Variants in RPS6KA2 observed in about 807,000 individuals in gnomAD.
RPS6KA2 encodes the protein ribosomal protein S6 kinase alpha-2.
In RPS6KA2, 42 loss-of-function variants were observed where a neutral mutation model predicts 91.8. The ratio of observed to expected loss-of-function variants is 0.46; its 90% CI spans 0.36 to 0.59. RPS6KA2 has a LOEUF of 0.59. Among genes scored for constraint, RPS6KA2 ranks in the 20% least tolerant of loss-of-function variants. The pLI is 0.00. For synonymous variants in RPS6KA2, 414 were observed against 393.6 expected (o/e 1.05, Z -0.61); for missense variants, 798 against 978.5 (o/e 0.82, Z 2.46).
At chr6:166,809,364 G>A (rs1483264409) in intron 2 of RPS6KA2, among the ~76,000 whole-genome samples, 1 of 152,064 alleles carries the variant, frequency 6.6e-6, no homozygotes, top group Non-Finnish European at 1.5e-5. Flanking sequence ...AAAATCTAGG[G>A]GTTTTATTCA....
intron 1 of RPS6KA2, among the ~76,000 whole-genome samples, chr6:166,541,116 C>T (rs1159774250): frequency 6.6e-6 from 1 of 152,218 alleles, no homozygotes; most frequent in Non-Finnish European, 1.5e-5. Context: ...TAGCTCCCAT[C>T]ATGCAGCTGT....
At chr6:166,636,216 C>T (rs1787237677) in intron 2 of RPS6KA2, among the ~76,000 whole-genome samples, 1 of 148,250 alleles carries the variant, frequency 6.7e-6, no homozygotes, top group Non-Finnish European at 1.5e-5. Flanking sequence ...TGGGTTCTGG[C>T]TCCTTCCTCT....
intron 1 of RPS6KA2, among the ~76,000 whole-genome samples, chr6:166,544,967 T>C (rs973698767): frequency 3.3e-5 from 5 of 152,134 alleles, no homozygotes; most frequent in Admixed American, 6.5e-5. Flanking sequence ...CTTGCTGGAA[T>C]CTAGGTGAAA....
intron 1 of RPS6KA2, among the ~76,000 whole-genome samples, chr6:166,540,747 G>A (rs1167246404): frequency 6.6e-6 from 1 of 152,064 alleles, no homozygotes; most frequent in Non-Finnish European, 1.5e-5. Flanking sequence ...CTTTTGTGGT[G>A]AAATCTCCTG....
At chr6:166,527,672 C>T (rs1292526298) in intron 3 of RPS6KA2, among the ~76,000 whole-genome samples, 1 of 152,142 alleles carries the variant, frequency 6.6e-6, no homozygotes, top group East Asian at 1.9e-4. Flanking sequence ...ATTTTAATCA[C>T]CCAAAAGCAG....
intron 10 of RPS6KA2, among the ~76,000 whole-genome samples, chr6:166,476,432 G>C (rs74822194): frequency 0.021 from 3,123 of 152,298 alleles, 97 homozygotes; most frequent in African/African-American, 0.071. Flanking sequence ...TGGTCCGCTG[G>C]GCATTAGAGA....
intron 2 of RPS6KA2, among the ~76,000 whole-genome samples, chr6:166,792,890 C>T (rs1306333832): frequency 1.4e-5 from 2 of 146,328 alleles, no homozygotes; most frequent in African/African-American, 2.6e-5. Context: ...ACACCCACAG[C>T]CAATATCATA....
At chr6:166,820,350 C>A in intron 2 of RPS6KA2, among the ~76,000 whole-genome samples, 1 of 152,222 alleles carries the variant, frequency 6.6e-6, no homozygotes, top group East Asian at 1.9e-4. Flanking sequence ...TTTCCTTCCT[C>A]TATCTCAATC....
At chr6:166,801,793 T>C (rs529492841) in intron 2 of RPS6KA2, among the ~76,000 whole-genome samples, 1 of 152,360 alleles carries the variant, frequency 6.6e-6, no homozygotes, top group South Asian at 2.1e-4. Context: ...CTGCAAAACT[T>C]CATATTTTGA....
intron 1 of RPS6KA2, among the ~76,000 whole-genome samples, chr6:166,622,242 A>G (rs1230796907): frequency 1.3e-5 from 2 of 152,146 alleles, no homozygotes; most frequent in East Asian, 3.8e-4. Flanking sequence ...TATTTCGGGG[A>G]TTTTTCCTGA....
chr6:166,522,807 A>G (rs985586960), intron 3 of RPS6KA2, among the ~76,000 whole-genome samples: 1 of 152,242 alleles, frequency 6.6e-6, no homozygotes, highest in African/African-American at 2.4e-5. Context: ...AACTTTTTAC[A>G]GTGAATTACT....
chr6:166,695,575 C>G (rs1789331619), intron 2 of RPS6KA2, among the ~76,000 whole-genome samples: 1 of 152,230 alleles, frequency 6.6e-6, no homozygotes, highest in Non-Finnish European at 1.5e-5. Context: ...CTTGTAGGAA[C>G]CAGGCCGCAC....
chr6:166,758,885 C>T (rs1396853842), intron 2 of RPS6KA2, among the ~76,000 whole-genome samples: 1 of 152,232 alleles, frequency 6.6e-6, no homozygotes, highest in Non-Finnish European at 1.5e-5. Context: ...ATTTCCTTCC[C>T]AATCAGACAG....
chr6:166,720,332 G>A (rs967315415), intron 2 of RPS6KA2, among the ~76,000 whole-genome samples: 4 of 152,088 alleles, frequency 2.6e-5, no homozygotes, highest in Non-Finnish European at 5.9e-5. Flanking sequence ...CATCTTCTAA[G>A]CTCACTACAA....
intron 2 of RPS6KA2, among the ~76,000 whole-genome samples, chr6:166,754,843 G>C (rs985005265): frequency 3.3e-5 from 5 of 152,208 alleles, no homozygotes; most frequent in Admixed American, 3.3e-4. Context: ...TGTGGTCTCA[G>C]GGAAGGGCTC....
chr6:166,723,160 G>T (rs558732384), intron 2 of RPS6KA2, among the ~76,000 whole-genome samples: 1 of 152,222 alleles, frequency 6.6e-6, no homozygotes. Context: ...GCTGGGCTGG[G>T]GCTGGCAGGC....
rs1324022824 is a variant in RPS6KA2, at chr6:166,517,465, T to G, written c.299-7108A>C. 7.0e-4 allele frequency among the ~76,000 whole-genome samples: 39 copies of G among 55,430 alleles called. 1 individual carries two copies. In the South Asian group the frequency reaches 0.017, roughly 24 times the overall value. The allele number at this position is 55,430 out of a possible 152,430, so 36.4% of individuals were successfully genotyped here. ...GCGTTCTTTTGTTTTGTTTTTTTTT[T>G]TTTTTTTTTTTTTTTTTTTTTGAGA... On this transcript the variant is annotated intron_variant, in intron 3 of 20. Transcript: ENST00000265678.
chr6:166,674,562 T>C (rs187672854), intron 2 of RPS6KA2, among the ~76,000 whole-genome samples: 26 of 152,188 alleles, frequency 1.7e-4, no homozygotes, highest in Non-Finnish European at 3.1e-4. Context: ...AAATACAAAA[T>C]AGGAAATCAA....
intron 2 of RPS6KA2, among the ~76,000 whole-genome samples, chr6:166,780,543 G>A (rs1475755667): frequency 1.3e-5 from 2 of 152,076 alleles, no homozygotes; most frequent in African/African-American, 2.4e-5. Context: ...GCCTTGTTAC[G>A]GCAGCTCTGG....
Sources: gnomAD v4.1 joint callset for allele counts (sites outside exome capture counted in the v4.1 genomes callset) on GRCh38, gnomAD v4.1.1 for gene constraint, MANE v1.5 for transcripts, NCBI Gene and HGNC (gene_info 2026-07-23, HGNC 2026-07-21) for gene names.